ANKS1B: variants seen among roughly 807,000 people sequenced by gnomAD.
ANKS1B encodes the protein ankyrin repeat and sterile alpha motif domain containing 1B.
A neutral mutation model predicts 148.3 loss-of-function variants in ANKS1B; 36 were observed. The ratio of observed to expected loss-of-function variants is 0.24; its 90% CI spans 0.19 to 0.32. The LOEUF is 0.32. Among genes scored for constraint, ANKS1B ranks in the 10% least tolerant of loss-of-function variants. The probability of loss-of-function intolerance (pLI) is 1.00; values close to 1 mark genes in which losing one functional copy is unlikely to be tolerated. For missense variants in ANKS1B, 1,157 were observed against 1,542.6 expected, an observed-to-expected ratio of 0.75 and a Z score of 4.19; for synonymous variants, 542 against 560.8, an observed-to-expected ratio of 0.97 and a Z score of 0.47.
intron 14 of ANKS1B, among the ~76,000 whole-genome samples, chr12:99,183,145 A>G (rs1397057651): frequency 7.9e-5 from 12 of 152,234 alleles, no homozygotes; most frequent in Admixed American, 7.8e-4. Flanking sequence ...AAAGAAAACA[A>G]TAGTTGCATC....
intron 12 of ANKS1B, among the ~76,000 whole-genome samples, chr12:99,275,801 A>C (rs555865454): frequency 4.0e-4 from 61 of 152,332 alleles, no homozygotes; most frequent in African/African-American, 1.5e-3. Context: ...TCATTTTGTA[A>C]GGAAAATGTA....
At chr12:99,529,672 A>T (rs938501923) in intron 9 of ANKS1B, among the ~76,000 whole-genome samples, 19 of 152,078 alleles carry the variant, frequency 1.2e-4, no homozygotes, top group African/African-American at 4.6e-4. Flanking sequence ...ATAAAAGAAG[A>T]AGTAGTCATC....
At chr12:99,593,123 A>C (rs531022127) in intron 9 of ANKS1B, among the ~76,000 whole-genome samples, 2 of 152,204 alleles carry the variant, frequency 1.3e-5, no homozygotes, top group African/African-American at 4.8e-5. Flanking sequence ...GTTCAAAAAT[A>C]GAGGAGAGTA....
Position 99,968,976 on chromosome 12 carries a change from C to A in ANKS1B, c.134+15128G>T, listed in dbSNP as rs2095524668. On this transcript the variant is annotated intron_variant, in intron 1 of 26. Coordinates refer to ENST00000683438, the MANE Select transcript of ANKS1B (RefSeq NM_001352186.2). Reference sequence around the variant, plus strand: ...TGCCAGCACCATGCTTCCAGTACAGCCTGCAGAACCCTGAGCCAATTAAAC... The same window carrying A: ...TGCCAGCACCATGCTTCCAGTACAGACTGCAGAACCCTGAGCCAATTAAAC... Among the ~76,000 whole-genome samples, 4 of 152,156 alleles carry A rather than the reference C, an allele frequency of 2.6e-5. No individual in the cohort carries two copies. In the South Asian group the frequency reaches 8.3e-4, roughly 32 times the overall value.
intron 15 of ANKS1B, among the ~76,000 whole-genome samples, chr12:99,120,732 C>A (rs1450919126): frequency 6.6e-6 from 1 of 152,132 alleles, no homozygotes; most frequent in Non-Finnish European, 1.5e-5. Flanking sequence ...CATTTACTGA[C>A]ATGGGAACTG....
chr12:98,938,665 T>A (rs1166038507), intron 17 of ANKS1B, among the ~76,000 whole-genome samples: 1 of 152,254 alleles, frequency 6.6e-6, no homozygotes, highest in Non-Finnish European at 1.5e-5. Context: ...AAATTGCAGT[T>A]ATTTATTGAG....
intron 12 of ANKS1B, among the ~76,000 whole-genome samples, chr12:99,345,239 G>A (rs183106970): frequency 2.4e-4 from 36 of 152,162 alleles, no homozygotes; most frequent in African/African-American, 6.0e-4. Flanking sequence ...AGTCTGAATC[G>A]TCAGTGGACA....
In ANKS1B at chr12:99,773,076, G is replaced by T; in HGVS notation, c.974C>A (p.Thr325Asn). 1 of 1,604,904 alleles carries T rather than the reference G, an allele frequency of 6.2e-7. No homozygotes were observed. Among genetic ancestry groups the T allele is most frequent in the Non-Finnish European group, 8.5e-7 (1 of 1,175,890 alleles). ...PSQKTKSETVTGELSKLLDEI... is the reference protein window; with the variant it reads ...PSQKTKSETVNGELSKLLDEI... Reference sequence around the variant, plus strand: ...ATCCAAGAGTTTTGATAATTCTCCAGTGACGGTTTCACCTATGAGAATAAT... The same window carrying T: ...ATCCAAGAGTTTTGATAATTCTCCATTGACGGTTTCACCTATGAGAATAAT... Residue 325 changes from threonine (T) to asparagine (N), a missense_variant, in exon 8 of 27, where the codon ACT becomes AAT. Around this residue, in one of 6 missense-constraint regions of ANKS1B, gnomAD observed 661 missense variants for 642.1 expected, o/e 1.03. Transcript: ENST00000683438.
intron 14 of ANKS1B, among the ~76,000 whole-genome samples, chr12:99,183,049 T>C (rs964833188): frequency 6.6e-6 from 1 of 152,226 alleles, no homozygotes; most frequent in African/African-American, 2.4e-5. Context: ...GGTCCTTGTA[T>C]GTTATGGTTT....
At chr12:98,810,437 T>C (rs748929181) in intron 19 of ANKS1B, among the ~76,000 whole-genome samples, 1 of 152,212 alleles carries the variant, frequency 6.6e-6, no homozygotes, top group Non-Finnish European at 1.5e-5. Context: ...GTTTAGCTAA[T>C]CTGTTCAGCA....
At chr12:99,151,834 G>A (rs2075004729) in intron 15 of ANKS1B, among the ~76,000 whole-genome samples, 1 of 152,114 alleles carries the variant, frequency 6.6e-6, no homozygotes, top group South Asian at 2.1e-4. Flanking sequence ...ATGCATGGAT[G>A]CACTATGATG....
chr12:99,549,197 C>A (rs912891865), intron 9 of ANKS1B, among the ~76,000 whole-genome samples: 26 of 152,136 alleles, frequency 1.7e-4, no homozygotes, highest in Admixed American at 1.5e-3. Flanking sequence ...GTATACTATA[C>A]CTCAGGGCAC....
intron 9 of ANKS1B, 25 bp downstream of exon 9, chr12:99,655,042 T>C: frequency 6.5e-7 from 1 of 1,538,518 alleles, no homozygotes; most frequent in Non-Finnish European, 8.8e-7. Flanking sequence ...TGTTTTATTG[T>C]ACCTTAATAA....
At chr12:99,163,750 C>T (rs1029319939) in intron 14 of ANKS1B, among the ~76,000 whole-genome samples, 1 of 152,148 alleles carries the variant, frequency 6.6e-6, no homozygotes. Context: ...TGGGATTTTT[C>T]ATTCAGCAGA....
chr12:99,741,081 A>G (rs545102745), intron 8 of ANKS1B, among the ~76,000 whole-genome samples: 44 of 152,110 alleles, frequency 2.9e-4, no homozygotes, highest in Non-Finnish European at 4.6e-4. Context: ...GGTGGCGCGT[A>G]CATGTAATCC....
intron 10 of ANKS1B, among the ~76,000 whole-genome samples, chr12:99,491,639 A>G (rs1236681553): frequency 6.6e-6 from 1 of 152,014 alleles, no homozygotes; most frequent in African/African-American, 2.4e-5. Context: ...TTAAATGATG[A>G]TGAGCACTTC....
intron 12 of ANKS1B, among the ~76,000 whole-genome samples, chr12:99,314,284 A>C (rs2083647547): frequency 6.6e-6 from 1 of 152,242 alleles, no homozygotes; most frequent in Non-Finnish European, 1.5e-5. Flanking sequence ...AAACAAAAGG[A>C]AGAACATTCC....
intron 12 of ANKS1B, among the ~76,000 whole-genome samples, chr12:99,374,841 A>AT (rs1274848277): frequency 1.3e-5 from 2 of 152,068 alleles, no homozygotes; most frequent in South Asian, 4.1e-4. Context: ...TATTTATTTT[A>AT]TTTTTTTACC....
At chr12:99,973,938 G>T (rs1383642673) in intron 1 of ANKS1B, among the ~76,000 whole-genome samples, 2 of 152,226 alleles carry the variant, frequency 1.3e-5, no homozygotes, top group Non-Finnish European at 2.9e-5. Context: ...CAAGGCTTGA[G>T]AGGAGTGACT....
Sources: gnomAD v4.1 joint callset for allele counts (sites outside exome capture counted in the v4.1 genomes callset) on GRCh38, gnomAD v4.1.1 for gene constraint, gnomAD v4.1.1 regional missense constraint, MANE v1.5 for transcripts, NCBI Gene and HGNC (gene_info 2026-07-23, HGNC 2026-07-21) for gene names.